Variants in CCSER1 observed in about 807,000 individuals in gnomAD.
CCSER1 encodes the protein coiled-coil serine rich protein 1, also known as serine-rich coiled-coil domain-containing protein 1.
CCSER1 carries 41 observed loss-of-function variants against 82.0 expected under a neutral mutation model. That is an observed-to-expected ratio of 0.50 (90% confidence interval 0.39 to 0.65). The LOEUF is 0.65. Ranked by LOEUF, CCSER1 falls within the 30% of genes least tolerant of loss-of-function variation. The probability of loss-of-function intolerance (pLI) is 0.00; values close to 1 mark genes in which losing one functional copy is unlikely to be tolerated. For missense variants in CCSER1, 1,119 were observed against 1,064.2 expected, an observed-to-expected ratio of 1.05 and a Z score of -0.72; for synonymous variants, 414 against 383.9, an observed-to-expected ratio of 1.08 and a Z score of -0.92.
chr4:90,691,494 A>G (rs563217602), intron 6 of CCSER1, among the ~76,000 whole-genome samples: 19 of 151,966 alleles, frequency 1.3e-4, no homozygotes, highest in Non-Finnish European at 2.1e-4. Context: ...TCACATGTAT[A>G]TAAACGTGTG....
chr4:91,179,134 T>C (rs1242694792), intron 10 of CCSER1, among the ~76,000 whole-genome samples: 2 of 152,204 alleles, frequency 1.3e-5, no homozygotes, highest in Admixed American at 6.5e-5. Context: ...TGGCCCCCAC[T>C]CTCTTCTGGC....
At chr4:91,290,134 C>CA (rs1369347015) in intron 10 of CCSER1, among the ~76,000 whole-genome samples, 1 of 151,770 alleles carries the variant, frequency 6.6e-6, no homozygotes, top group African/African-American at 2.4e-5. Flanking sequence ...CTATATCATC[C>CA]AAAAATGGAA....
chr4:91,599,300 T>A lies in CCSER1; in HGVS notation c.*243T>A. 2.5e-6 allele frequency: 1 copy of A among 396,172 alleles called. No individual in the cohort carries two copies. The highest frequency in any genetic ancestry group is 4.0e-5 in the Admixed American group (1 of 24,746). The allele number at this position is 396,172 out of a possible 1,614,324, so 24.5% of individuals were successfully genotyped here. On this transcript the variant is annotated 3_prime_UTR_variant, in exon 11 of 11. Transcript: ENST00000509176. Reference sequence around the variant, plus strand: ...TTGAAGACTTTACTATATAGGTGTATAATAAATGGGACCATCATGATCGTT... The same window carrying A: ...TTGAAGACTTTACTATATAGGTGTAAAATAAATGGGACCATCATGATCGTT...
intron 10 of CCSER1, among the ~76,000 whole-genome samples, chr4:91,403,960 C>T (rs540576157): frequency 6.6e-6 from 1 of 152,234 alleles, no homozygotes; most frequent in African/African-American, 2.4e-5. Flanking sequence ...GGAATAGTTT[C>T]AGAAGGAATG....
At chr4:91,131,897 G>T (rs1329795188) in intron 10 of CCSER1, among the ~76,000 whole-genome samples, 1 of 151,868 alleles carries the variant, frequency 6.6e-6, no homozygotes, top group Non-Finnish European at 1.5e-5. Context: ...TCTACTGCTT[G>T]CTGGCTGTAT....
chr4:90,891,659 TAAG>T (rs1279777378), intron 8 of CCSER1, among the ~76,000 whole-genome samples: 2 of 151,968 alleles, frequency 1.3e-5, no homozygotes, highest in Admixed American at 6.6e-5. Context: ...GCAAGTGAAA[TAAG>T]AAGAAAAATC....
chr4:90,462,400 T>C (rs77201678), intron 4 of CCSER1, among the ~76,000 whole-genome samples: 2,166 of 152,282 alleles, frequency 0.014, 30 homozygotes, highest in African/African-American at 0.042. Context: ...TCAACTCTGC[T>C]TTAAGCCTTT....
intron 3 of CCSER1, among the ~76,000 whole-genome samples, chr4:90,327,060 T>C (rs553701039): frequency 6.6e-6 from 1 of 152,284 alleles, no homozygotes; most frequent in African/African-American, 2.4e-5. Flanking sequence ...GTTTGTTTGC[T>C]AGGAAGTCTG....
intron 10 of CCSER1, among the ~76,000 whole-genome samples, chr4:91,388,375 A>T (rs1040414347): frequency 2.6e-5 from 4 of 152,148 alleles, no homozygotes; most frequent in African/African-American, 9.6e-5. Context: ...TAATAATTGT[A>T]CCATTATCTG....
At chr4:91,454,368 C>A (rs951286830) in intron 10 of CCSER1, among the ~76,000 whole-genome samples, 1 of 151,982 alleles carries the variant, frequency 6.6e-6, no homozygotes, top group Non-Finnish European at 1.5e-5. Flanking sequence ...TCTTTAAAGC[C>A]AGCAGTATCT....
At position 90,460,324 on chromosome 4, in the gene CCSER1, C is replaced by CAAAAAAAAAAA. The variant is rs751331396; in HGVS notation, c.1604-7899_1604-7889dup. Among the ~76,000 whole-genome samples, 126 of 32,612 alleles carry CAAAAAAAAAAA rather than the reference C, an allele frequency of 3.9e-3. 4 individuals carry two copies. Among genetic ancestry groups the CAAAAAAAAAAA allele is most frequent in the African/African-American group, 8.7e-3 (60 of 6,874 alleles). 21.4% of individuals were successfully genotyped at this position (32,612 alleles called of 152,430 possible). A position where few individuals can be genotyped will look rare whatever the true frequency, so the allele number is the denominator to read the frequency against. ...TGGGCGACAGAGCGAAACTCCGTCT[C>CAAAAAAAAAAA]AAAAAAAAAAAAAAAAAAAAACTAA... is the stretch of plus-strand genomic sequence containing the variant. On this transcript the variant is annotated intron_variant, in intron 4 of 10. Transcript: ENST00000509176.
chr4:90,455,757 T>C (rs369644376), intron 4 of CCSER1, among the ~76,000 whole-genome samples: 2 of 152,154 alleles, frequency 1.3e-5, no homozygotes, highest in East Asian at 1.9e-4. Flanking sequence ...CTGCTTTTGG[T>C]AACCTTTAAA....
At chr4:90,775,884 A>G (rs1752825514) in intron 7 of CCSER1, among the ~76,000 whole-genome samples, 1 of 151,650 alleles carries the variant, frequency 6.6e-6, no homozygotes, top group South Asian at 2.1e-4. Flanking sequence ...ATGTCTCCCA[A>G]TCTAGAATCA....
chr4:91,009,774 A>G (rs1285296635), intron 9 of CCSER1, among the ~76,000 whole-genome samples: 1 of 151,872 alleles, frequency 6.6e-6, no homozygotes, highest in East Asian at 1.9e-4. Context: ...TGCATACAAA[A>G]CCTCTAGATT....
At chr4:90,424,371 A>G (rs1475797817) in intron 4 of CCSER1, among the ~76,000 whole-genome samples, 1 of 152,174 alleles carries the variant, frequency 6.6e-6, no homozygotes. Flanking sequence ...TTCTCATTAT[A>G]CATCCTTAAT....
Position 90,308,463 on chromosome 4 carries a change from G to A in CCSER1, c.179G>A (p.Arg60Lys), listed in dbSNP as rs774124612. ...AGCTCAGGTAGCACAGGTAAACGGA[G>A]GAGCATATTCCGTACTCCTTCCATT... ...NSSSGSTGKR[R>K]SIFRTPSISF... The change falls in exon 2 of 11, where the codon AGG becomes AAG. Residue 60 changes from arginine (R) to lysine (K), a missense_variant. Transcript: ENST00000509176. 38 of 1,613,682 alleles carry A rather than the reference G, an allele frequency of 2.4e-5. 1 individual carries two copies. The South Asian group carries it at 3.8e-4, about 16-fold the overall frequency.
At chr4:91,340,490 A>G (rs1014977441) in intron 10 of CCSER1, among the ~76,000 whole-genome samples, 5 of 152,210 alleles carry the variant, frequency 3.3e-5, no homozygotes, top group African/African-American at 4.8e-5. Context: ...CTTTGAGAAG[A>G]ATATGTATGA....
At chr4:90,815,271 A>G (rs545576523) in intron 7 of CCSER1, among the ~76,000 whole-genome samples, 7 of 152,136 alleles carry the variant, frequency 4.6e-5, no homozygotes, top group African/African-American at 1.7e-4. Context: ...CCCATGATCC[A>G]ATCACCTCCC....
chr4:90,318,017 T>TGA (rs1736480345), intron 3 of CCSER1, among the ~76,000 whole-genome samples: 3 of 152,164 alleles, frequency 2.0e-5, no homozygotes, highest in Non-Finnish European at 2.9e-5. Context: ...TTCCCAAATA[T>TGA]TTTGTTGTAT....
Sources: allele counts gnomAD v4.1 joint callset (sites outside exome capture counted in the v4.1 genomes callset), GRCh38; gene constraint gnomAD v4.1.1; transcripts MANE v1.5; gene names NCBI Gene and HGNC (gene_info 2026-07-23, HGNC 2026-07-21).